Variants in HACD4 observed in about 807,000 individuals in gnomAD.
HACD4 encodes the protein very-long-chain (3R)-3-hydroxyacyl-CoA dehydratase 4.
HACD4 carries 35 observed loss-of-function variants against 33.3 expected under a neutral mutation model. That is an observed-to-expected ratio of 1.05 (90% confidence interval 0.80 to 1.39). The LOEUF is 1.39. Among genes scored for constraint, HACD4 ranks in the 40% most tolerant of loss-of-function variants. The pLI, the probability that HACD4 is intolerant of heterozygous loss-of-function variation, is 0.00. For missense variants in HACD4, 323 were observed against 276.5 expected, an observed-to-expected ratio of 1.17 and a Z score of -1.19; for synonymous variants, 118 against 98.0, an observed-to-expected ratio of 1.20 and a Z score of -1.21.
At position 21,006,981 on chromosome 9, in the gene HACD4, T is replaced by G; in HGVS notation, c.*56A>C. ...CACCAGAATACTTCCTGTGTTTTAT[T>G]TACTGCACTGAATCCACAGCCTGTC... On this transcript the variant is annotated 3_prime_UTR_variant, in exon 7 of 7. Coordinates refer to ENST00000495827, the MANE Select transcript of HACD4 (RefSeq NM_001010915.5). The surrounding 1 kb of genome is among the most constrained non-coding windows in gnomAD (Gnocchi z 4.6). The G allele has an allele frequency of 1.0e-6, 1 of 964,284 alleles. No individual in the cohort carries two copies. Among genetic ancestry groups the G allele is most frequent in the East Asian group, 2.4e-5 (1 of 41,898 alleles). The allele number at this position is 964,284 out of a possible 1,614,324, so 59.7% of individuals were successfully genotyped here. A position where few individuals can be genotyped will look rare whatever the true frequency, so the allele number is the denominator to read the frequency against.
chr9:21,007,804 T>A (rs748930356), intron 6 of HACD4, among the ~76,000 whole-genome samples: 1 of 152,188 alleles, frequency 6.6e-6, no homozygotes, highest in Non-Finnish European at 1.5e-5. Flanking sequence ...AGTAAAATTG[T>A]TCTTATTTGT....
At chr9:21,017,809 C>G (rs1464445154) in intron 3 of HACD4, 2 of 152,310 alleles carry the variant, frequency 1.3e-5, no homozygotes, top group African/African-American at 4.8e-5. Context: ...GGGAACAGAC[C>G]TGGAAACATA....
In HACD4 at chr9:21,001,146, C is replaced by T. The variant is rs181825139; in HGVS notation, c.*5891G>A. ...GGTGGATCCACTAAAGGCTCTACAACGACTGCCTTAAGGATGTTTTTTAAA... is the reference window on the plus strand; with the variant it reads ...GGTGGATCCACTAAAGGCTCTACAATGACTGCCTTAAGGATGTTTTTTAAA... On this transcript the variant is annotated 3_prime_UTR_variant, in exon 7 of 7. Transcript: ENST00000495827. The T allele has an allele frequency of 2.0e-5, 3 of 152,056 alleles. No individual in the cohort carries two copies. The highest frequency in any genetic ancestry group is 1.9e-4 in the East Asian group (1 of 5,184). The allele number at this position is 152,056 out of a possible 1,614,324, so 9.4% of individuals were successfully genotyped here. A position where few individuals can be genotyped will look rare whatever the true frequency, so the allele number is the denominator to read the frequency against.
rs1476574932 is a variant in HACD4, at chr9:21,026,665, T to C, written c.201A>G (p.Val67=). The stretch of plus-strand genomic sequence containing the variant: ...ATATGTGCAGCAGTTCCAGGAGAGA[T>C]ACGGATTGGCAAAGTCGCATCACAA... The part of the protein sequence containing the change: ...IGLVMRLCQS[V]SLLELLHIYV... The change falls in exon 3 of 7, where the codon GTA becomes GTG. Residue 67 remains valine, a synonymous_variant. Coordinates refer to ENST00000495827, the MANE Select transcript of HACD4 (RefSeq NM_001010915.5). The C allele has an allele frequency of 1.2e-6, 2 of 1,613,118 alleles. No homozygotes were observed. The highest frequency in any genetic ancestry group is 2.7e-5 in the African/African-American group (2 of 74,916).
intron 3 of HACD4, among the ~76,000 whole-genome samples, chr9:21,024,855 T>C (rs1246175359): frequency 6.6e-6 from 1 of 152,208 alleles, no homozygotes; most frequent in Non-Finnish European, 1.5e-5. Context: ...TTTAAATGAA[T>C]TTAGTCATAC....
rs1842544959 is a variant in HACD4, at chr9:21,015,937, C to G, written c.344G>C (p.Cys115Ser). The change falls in exon 4 of 7, where the codon TGT becomes TCT. Residue 115 changes from cysteine (C) to serine (S), a missense_variant. By Grantham distance (112) the Cys-to-Ser change is moderately radical. Transcript: ENST00000495827. ...QEEVQEKYVVCVLFVFWNLLD... is the reference protein window; with the variant it reads ...QEEVQEKYVVSVLFVFWNLLD... Reference sequence around the variant, plus strand: ...TAGATTCCAAAAGACGAATAAAACACACACCACATATTTCTCTTGGACTTC... The same window carrying G: ...TAGATTCCAAAAGACGAATAAAACAGACACCACATATTTCTCTTGGACTTC... 3 of 1,613,064 alleles carry G rather than the reference C, an allele frequency of 1.9e-6. No individual in the cohort carries two copies. Among genetic ancestry groups the G allele is most frequent in the South Asian group, 2.2e-5 (2 of 91,052 alleles).
intron 4 of HACD4, among the ~76,000 whole-genome samples, chr9:21,014,981 T>C (rs951827484): frequency 6.6e-6 from 1 of 152,176 alleles, no homozygotes; most frequent in African/African-American, 2.4e-5. Context: ...TTCCATTGTC[T>C]CATGAACAGA....
Position 21,005,808 on chromosome 9 carries a change from T to G in HACD4, c.*1229A>C, listed in dbSNP as rs957405652. On this transcript the variant is annotated 3_prime_UTR_variant, in exon 7 of 7. Transcript: ENST00000495827. The surrounding 1 kb of genome is among the most constrained non-coding windows in gnomAD (Gnocchi z 4.0). The stretch of plus-strand genomic sequence containing the variant: ...ATTACTAAGACTGAAGATCTCATGG[T>G]GTTTGCCTTGCTAGGTTTTGGACTT... 4 of 152,236 alleles carry G rather than the reference T, an allele frequency of 2.6e-5. No individual in the cohort carries two copies. Among genetic ancestry groups the G allele is most frequent in the African/African-American group, 9.7e-5 (4 of 41,424 alleles). The allele number at this position is 152,236 out of a possible 1,614,324, so 9.4% of individuals were successfully genotyped here.
chr9:21,031,629 G>T lies in HACD4; in HGVS notation c.-39C>A. 2.2e-6 allele frequency: 3 copies of T among 1,352,120 alleles called. No homozygotes were observed. Among genetic ancestry groups the T allele is most frequent in the Non-Finnish European group, 2.8e-6 (3 of 1,056,406 alleles). The allele number at this position is 1,352,120 out of a possible 1,614,324, so 83.8% of individuals were successfully genotyped here. A position where few individuals can be genotyped will look rare whatever the true frequency, so the allele number is the denominator to read the frequency against. ...CAGGGCTTCCAGCGCGGTCCAGGAA[G>T]GAGTACCGGGGAGGAGGCAGGGGCG... On this transcript the variant is annotated 5_prime_UTR_variant, in exon 1 of 7. Coordinates refer to ENST00000495827, the MANE Select transcript of HACD4 (RefSeq NM_001010915.5).
rs185983654 is a variant in HACD4 at position 21,023,273 on chromosome 9, C to T, written c.270+3323G>A. Among the ~76,000 whole-genome samples the T allele has an allele frequency of 4.0e-5, 6 of 151,830 alleles. No individual in the cohort carries two copies. In the South Asian group the frequency reaches 6.2e-4, roughly 16 times the overall value. ...TAGGAGATATACCTAATATAAATGA[C>T]GAGTTAATGGGTGCAGCACACCAAC... is the stretch of plus-strand genomic sequence containing the variant. On this transcript the variant is annotated intron_variant, in intron 3 of 6. Coordinates refer to ENST00000495827, the MANE Select transcript of HACD4 (RefSeq NM_001010915.5).
Position 21,005,540 on chromosome 9 carries a change from A to G in HACD4, c.*1497T>C, listed in dbSNP as rs1842249131. ...TTGGACTTCTTGAATTTGGGACCAT[A>G]GAGCTATTCAGCTGTGAATGTACAC... On this transcript the variant is annotated 3_prime_UTR_variant, in exon 7 of 7. Coordinates refer to ENST00000495827, the MANE Select transcript of HACD4 (RefSeq NM_001010915.5). The surrounding 1 kb of genome is among the most constrained non-coding windows in gnomAD (Gnocchi z 4.0). 3 of 152,366 alleles carry G rather than the reference A, an allele frequency of 2.0e-5. No homozygotes were observed. In the South Asian group the frequency reaches 6.2e-4, roughly 32 times the overall value. The allele number at this position is 152,366 out of a possible 1,614,324, so 9.4% of individuals were successfully genotyped here.
rs1587818865 is a variant in HACD4, at chr9:21,000,518, G to C, written c.*6519C>G. 1 of 152,232 alleles carries C rather than the reference G, an allele frequency of 6.6e-6. No homozygotes were observed. Among genetic ancestry groups the C allele is most frequent in the East Asian group, 1.9e-4 (1 of 5,186 alleles). 9.4% of individuals were successfully genotyped at this position (152,232 alleles called of 1,614,324 possible). On this transcript the variant is annotated 3_prime_UTR_variant, in exon 7 of 7. Transcript: ENST00000495827. ...AGAGCTTCTGATTCAACTATCTTTA[G>C]TGGAGCCCTGGAATCTGCATTCTAA... is the stretch of plus-strand genomic sequence containing the variant.
At chr9:21,031,469 C>A (rs1818218868) in intron 1 of HACD4, 84 bp downstream of exon 1, 2 of 1,360,904 alleles carry the variant, frequency 1.5e-6, no homozygotes, top group South Asian at 1.7e-5. Flanking sequence ...GGGTGCCGCC[C>A]GCCCGCCCGC....
Position 21,029,542 on chromosome 9 carries a change from T to G in HACD4, c.39-144A>C, listed in dbSNP as rs937533775. On this transcript the variant is annotated intron_variant, in intron 1 of 6. Transcript: ENST00000495827. Reference sequence around the variant, plus strand: ...AGTCTTTTATCTGGTTACCCCCAAGTACATATCAGATTTTGAAGGGAGCCA... The same window carrying G: ...AGTCTTTTATCTGGTTACCCCCAAGGACATATCAGATTTTGAAGGGAGCCA... 43 of 480,436 alleles carry G rather than the reference T, an allele frequency of 9.0e-5. No homozygotes were observed. In the East Asian group the frequency reaches 1.3e-3, roughly 14 times the overall value. 29.8% of individuals were successfully genotyped at this position (480,436 alleles called of 1,614,324 possible).
intron 3 of HACD4, among the ~76,000 whole-genome samples, chr9:21,020,485 T>G (rs898055025): frequency 6.6e-6 from 1 of 152,144 alleles, no homozygotes; most frequent in Non-Finnish European, 1.5e-5. Context: ...CAAAGCCCCT[T>G]AAAATCAACA....
chr9:21,005,567 ATTC>A lies in HACD4; in HGVS notation c.*1467_*1469del. On this transcript the variant is annotated 3_prime_UTR_variant, in exon 7 of 7. Coordinates refer to ENST00000495827, the MANE Select transcript of HACD4 (RefSeq NM_001010915.5). This position sits in a 1 kb window ranked among gnomAD's most constrained non-coding sequence, Gnocchi z 4.0. ...AGCTATTCAGCTGTGAATGTACACT[ATTC>A]TTCAAGAAAAGGAGAAACTGACCCG... 2 of 152,346 alleles carry A rather than the reference ATTC, an allele frequency of 1.3e-5. No individual in the cohort carries two copies. The highest frequency in any genetic ancestry group is 1.3e-4 in the Admixed American group (2 of 15,302). The allele number at this position is 152,346 out of a possible 1,614,324, so 9.4% of individuals were successfully genotyped here.
intron 6 of HACD4, 41 bp from the exon 7 acceptor site, chr9:21,007,160 C>G (rs774253778): frequency 2.0e-6 from 2 of 1,011,636 alleles, no homozygotes; most frequent in Non-Finnish European, 1.6e-6. Context: ...GTAAGGTTAA[C>G]TATTTCTCTG....
chr9:21,028,284 T>C (rs1010660356), intron 2 of HACD4, among the ~76,000 whole-genome samples: 4 of 152,164 alleles, frequency 2.6e-5, no homozygotes, highest in African/African-American at 9.6e-5. Flanking sequence ...GTAATATGCC[T>C]GCACTGCCTC....
chr9:21,018,144 T>C (rs1564275606), intron 3 of HACD4, among the ~76,000 whole-genome samples: 1 of 152,178 alleles, frequency 6.6e-6, no homozygotes. Context: ...ACTTGACCAT[T>C]CAATGGCAAT....
Sources: gnomAD v4.1 joint callset for allele counts (sites outside exome capture counted in the v4.1 genomes callset) on GRCh38, gnomAD v4.1.1 for gene constraint, Gnocchi (gnomAD v3.1) non-coding constraint, MANE v1.5 for transcripts, NCBI Gene and HGNC (gene_info 2026-07-23, HGNC 2026-07-21) for gene names.